Variants in ZCCHC2 observed in about 807,000 individuals in gnomAD.
ZCCHC2 encodes zinc finger CCHC-type containing 2, also known as zinc finger CCHC domain-containing protein 2.
Under a neutral mutation model 103.6 loss-of-function variants are expected in ZCCHC2, and 39 were observed. That is an observed-to-expected ratio of 0.38 (90% CI 0.29 to 0.49). The LOEUF (loss-of-function observed/expected upper bound fraction) is 0.49. ZCCHC2 is among the 20% of genes least tolerant of loss of function. ZCCHC2 has a pLI of 0.96. For synonymous variants in ZCCHC2, 687 were observed against 608.9 expected, an observed-to-expected ratio of 1.13 and a Z score of -1.89; for missense variants, 1,483 against 1,491.0, an observed-to-expected ratio of 0.99 and a Z score of 0.09.
In ZCCHC2 at chr18:62,574,325, A is replaced by G; in HGVS notation, c.2244A>G (p.Ile748Met). 1 of 1,614,066 alleles carries G rather than the reference A, an allele frequency of 6.2e-7. No homozygotes were observed. Among genetic ancestry groups the G allele is most frequent in the Non-Finnish European group, 8.5e-7 (1 of 1,179,902 alleles). ...CCAAACCCGCTGATGGCAAAACCAT[A>G]GGGATGCTTGTTCCTAGTCCTGTTG... ...PAPKPADGKT[I>M]GMLVPSPVAI... The change falls in exon 13 of 14, where the codon ATA (isoleucine) becomes ATG (methionine). Residue 748 changes from isoleucine to methionine, a missense_variant. This residue lies in a region of ZCCHC2 where 884 missense variants were observed against 907.5 expected (regional missense o/e 0.97). Transcript: ENST00000269499.
chr18:62,568,113 C>G (rs192406842), intron 11 of ZCCHC2, among the ~76,000 whole-genome samples: 223 of 151,996 alleles, frequency 1.5e-3, no homozygotes, highest in African/African-American at 5.1e-3. Flanking sequence ...GTTTAATATC[C>G]CAGATGAAAT....
intron 11 of ZCCHC2, among the ~76,000 whole-genome samples, chr18:62,565,823 A>G (rs1308161677): frequency 6.6e-6 from 1 of 152,248 alleles, no homozygotes; most frequent in African/African-American, 2.4e-5. Context: ...ATATTAGTAC[A>G]TTCAGTTGTG....
chr18:62,572,046 C>T (rs1359438893), intron 12 of ZCCHC2, among the ~76,000 whole-genome samples: 1 of 152,208 alleles, frequency 6.6e-6, no homozygotes, highest in African/African-American at 2.4e-5. Flanking sequence ...TCTCACTGAG[C>T]TGTTTTGAAA....
At chr18:62,532,726 C>G (rs1034322523) in intron 1 of ZCCHC2, among the ~76,000 whole-genome samples, 1 of 152,188 alleles carries the variant, frequency 6.6e-6, no homozygotes, top group Non-Finnish European at 1.5e-5. Flanking sequence ...GATTCTTTGT[C>G]TTTTTAACAT....
chr18:62,528,088 TTG>T (rs1384594554), intron 1 of ZCCHC2, among the ~76,000 whole-genome samples: 4 of 152,196 alleles, frequency 2.6e-5, no homozygotes, highest in Non-Finnish European at 1.5e-5. Flanking sequence ...TCTCTGGAGA[TTG>T]TGTCACCAAG....
intron 1 of ZCCHC2, among the ~76,000 whole-genome samples, chr18:62,534,387 T>C (rs1914832540): frequency 6.6e-6 from 1 of 152,132 alleles, no homozygotes; most frequent in African/African-American, 2.4e-5. Context: ...CATAAATTGG[T>C]GCAGACCTAG....
chr18:62,533,452 G>A (rs1285725061), intron 1 of ZCCHC2, among the ~76,000 whole-genome samples: 5 of 152,040 alleles, frequency 3.3e-5, no homozygotes, highest in Non-Finnish European at 7.4e-5. Context: ...TTGAACCCGG[G>A]AGGCAGAGGT....
chr18:62,559,603 C>T (rs1598953849), intron 7 of ZCCHC2, among the ~76,000 whole-genome samples: 1 of 152,226 alleles, frequency 6.6e-6, no homozygotes, highest in East Asian at 1.9e-4. Flanking sequence ...TTATATGCTG[C>T]TGTCCAGCAA....
Position 62,523,299 on chromosome 18 carries a change from CGGCCCTCCCCCGGCGGCATGGAGG to C in ZCCHC2, c.-120_-97del. 1.1e-6 allele frequency: 1 copy of C among 928,040 alleles called. No individual in the cohort carries two copies. The highest frequency in any genetic ancestry group is 1.3e-6 in the Non-Finnish European group (1 of 778,440). The allele number at this position is 928,040 out of a possible 1,614,324, so 57.5% of individuals were successfully genotyped here. On this transcript the variant is annotated 5_prime_UTR_variant, in exon 1 of 14. The change abolishes an upstream ATG in the 5' untranslated region. Transcript: ENST00000269499. ...GCCGGCCGAGACCCGCCCCCGGCCC[CGGCCCTCCCCCGGCGGCATGGAGG>C]GGCCCCGCTCCTGACGGCCGCGCCG...
chr18:62,543,390 T>C (rs1282411443), intron 3 of ZCCHC2, among the ~76,000 whole-genome samples: 1 of 152,194 alleles, frequency 6.6e-6, no homozygotes, highest in Non-Finnish European at 1.5e-5. Context: ...TTCTTCATCC[T>C]CAGCCATCCC....
chr18:62,525,546 A>G (rs1395465980), intron 1 of ZCCHC2: 4 of 152,228 alleles, frequency 2.6e-5, no homozygotes, highest in Admixed American at 2.6e-4. Flanking sequence ...CCCCAGAACT[A>G]AAATTGGGCA....
At chr18:62,538,503 G>T (rs62098566) in intron 1 of ZCCHC2, among the ~76,000 whole-genome samples, 27,955 of 152,082 alleles carry the variant, frequency 0.18, 3,382 homozygotes, top group Non-Finnish European at 0.27. Context: ...ATTCATATCT[G>T]CATTTTTAAA....
downstream of ZCCHC2, among the ~76,000 whole-genome samples, chr18:62,580,083 C>T (rs57868717): frequency 0.22 from 33,847 of 152,058 alleles, 4,019 homozygotes; most frequent in South Asian, 0.31. Flanking sequence ...CTAAATATAC[C>T]GTTTCTTTTT....
intron 1 of ZCCHC2, among the ~76,000 whole-genome samples, chr18:62,529,578 A>G (rs749963108): frequency 3.9e-5 from 6 of 152,224 alleles, no homozygotes; most frequent in Non-Finnish European, 8.8e-5. Flanking sequence ...TATAAAAGCC[A>G]TTTGGAAGAG....
intron 7 of ZCCHC2, among the ~76,000 whole-genome samples, chr18:62,559,169 A>C (rs1054379284): frequency 6.6e-6 from 1 of 152,260 alleles, no homozygotes; most frequent in African/African-American, 2.4e-5. Flanking sequence ...ACCACGGTAG[A>C]GATCTTAATA....
chr18:62,534,792 A>G (rs1227131214), intron 1 of ZCCHC2, among the ~76,000 whole-genome samples: 1 of 152,210 alleles, frequency 6.6e-6, no homozygotes, highest in African/African-American at 2.4e-5. Flanking sequence ...AAAAGAGGTC[A>G]TCCCTCATAC....
chr18:62,549,993 G>C (rs1178036777), intron 4 of ZCCHC2, among the ~76,000 whole-genome samples: 1 of 152,228 alleles, frequency 6.6e-6, no homozygotes, highest in Admixed American at 6.5e-5. Flanking sequence ...ATGCTGAGCA[G>C]AATCTTCACC....
In ZCCHC2 at chr18:62,523,257, C is replaced by T; in HGVS notation, c.-168C>T. 1.9e-6 allele frequency: 1 copy of T among 517,022 alleles called. No individual in the cohort carries two copies. The highest frequency in any genetic ancestry group is 2.5e-6 in the Non-Finnish European group (1 of 401,890). The allele number at this position is 517,022 out of a possible 1,614,324, so 32.0% of individuals were successfully genotyped here. A position where few individuals can be genotyped will look rare whatever the true frequency, so the allele number is the denominator to read the frequency against. ...AGACGACGCCAGCGACCCCGCCGGC[C>T]GGCCACCGCCCCCCTCGCCGGCCGA... On this transcript the variant is annotated 5_prime_UTR_variant, in exon 1 of 14. Transcript: ENST00000269499.
At chr18:62,528,075 G>A (rs1914513966) in intron 1 of ZCCHC2, among the ~76,000 whole-genome samples, 1 of 152,148 alleles carries the variant, frequency 6.6e-6, no homozygotes, top group African/African-American at 2.4e-5. Flanking sequence ...ATGGTATGAC[G>A]ATTCTCTGGA....
Sources: allele counts gnomAD v4.1 joint callset (sites outside exome capture counted in the v4.1 genomes callset), GRCh38; gene constraint gnomAD v4.1.1; regional missense constraint gnomAD v4.1.1; transcripts MANE v1.5; gene names NCBI Gene and HGNC (gene_info 2026-07-23, HGNC 2026-07-21).